The following BCCIP variants were observed in gnomAD, a reference collection of about 807,000 sequenced individuals.
The protein encoded by BCCIP is BRCA2 and CDKN1A-interacting protein.
A neutral mutation model predicts 32.8 loss-of-function variants in BCCIP; 23 were observed. The observed-to-expected ratio is 0.70, with a 90% CI of 0.51 to 0.99. The LOEUF (loss-of-function observed/expected upper bound fraction) is 0.99, where lower values mean the gene tolerates loss of function less well. Among genes scored for constraint, BCCIP ranks in the 50% least tolerant of loss-of-function variants. BCCIP has a pLI of 0.00. For missense variants in BCCIP, 378 were observed against 379.8 expected, an observed-to-expected ratio of 1.00 and a Z score of 0.04; for synonymous variants, 144 against 137.6, an observed-to-expected ratio of 1.05 and a Z score of -0.33.
downstream of BCCIP, chr10:125,836,946 G>A (rs954564580): frequency 2.8e-6 from 3 of 1,083,282 alleles, no homozygotes; most frequent in Admixed American, 6.3e-5. Context: ...CATCCCTGGA[G>A]AATCTACCTG....
At chr10:125,849,411 T>A (rs1273233668) in intron 7 of BCCIP, among the ~76,000 whole-genome samples, 2 of 152,216 alleles carry the variant, frequency 1.3e-5, no homozygotes, top group Non-Finnish European at 2.9e-5. Context: ...TTATTTACTT[T>A]ATTGTTTCCA....
At chr10:125,824,738 CAGAG>C (rs1326221293) in intron 1 of BCCIP, among the ~76,000 whole-genome samples, 1 of 94,352 alleles carries the variant, frequency 1.1e-5, no homozygotes, top group African/African-American at 3.8e-5. Context: ...CACTTACAGT[CAGAG>C]AGATCTTATA....
chr10:125,847,501 A>G (rs1030707117), downstream of BCCIP, among the ~76,000 whole-genome samples: 24 of 152,330 alleles, frequency 1.6e-4, no homozygotes, highest in Non-Finnish European at 3.4e-4. Flanking sequence ...ATACTCACAT[A>G]GTACCTACTG....
chr10:125,834,988 C>G (rs1474142183), intron 6 of BCCIP, among the ~76,000 whole-genome samples: 1 of 151,526 alleles, frequency 6.6e-6, no homozygotes, highest in Non-Finnish European at 1.5e-5. Flanking sequence ...AAAAAATTAG[C>G]CGGGCGTGGT....
rs765487754 is a variant in BCCIP, at chr10:125,823,554, C to T, written c.-4C>T. The T allele has an allele frequency of 6.2e-7, 1 of 1,613,314 alleles. No individual in the cohort carries two copies. The highest frequency in any genetic ancestry group is 1.1e-5 in the South Asian group (1 of 91,028). ...AGCTGCGCAGGCGCAGTGTGAGCGG[C>T]AACATGGCGTCCAGGTCTAAGCGGC... On this transcript the variant is annotated 5_prime_UTR_variant, in exon 1 of 7. Coordinates refer to ENST00000278100, the MANE Select transcript of BCCIP (RefSeq NM_078468.3).
chr10:125,850,134 TAAAA>T (rs371549545), intron 7 of BCCIP, among the ~76,000 whole-genome samples: 2 of 133,528 alleles, frequency 1.5e-5, no homozygotes, highest in African/African-American at 2.8e-5. Flanking sequence ...CCTGGCTCAT[TAAAA>T]AAAAAAAAAA....
At position 125,833,754 on chromosome 10, in the gene BCCIP, T is replaced by C; in HGVS notation, c.600-18T>C. 1 of 1,611,950 alleles carries C rather than the reference T, an allele frequency of 6.2e-7. No individual in the cohort carries two copies. The highest frequency in any genetic ancestry group is 1.1e-5 in the South Asian group (1 of 90,466). On this transcript the variant is annotated intron_variant, in intron 5 of 6. Coordinates refer to ENST00000278100, the MANE Select transcript of BCCIP (RefSeq NM_078468.3). ...CTTGACCCAGCAGGTAAACAAATGT[T>C]GTGTGTGTGCCTTGCAGGAAAGAAC...
chr10:125,839,092 C>T (rs371509912), downstream of BCCIP: 46 of 1,614,056 alleles, frequency 2.8e-5, no homozygotes, highest in African/African-American at 4.0e-5. Context: ...AAGCTCGATT[C>T]GCTTGATAAT....
intron 7 of BCCIP, among the ~76,000 whole-genome samples, chr10:125,849,252 C>T (rs1300101206): frequency 6.6e-6 from 1 of 152,218 alleles, no homozygotes; most frequent in Non-Finnish European, 1.5e-5. Flanking sequence ...TTTCCGCCTG[C>T]ACTGTTGCAC....
At chr10:125,833,293 T>C (rs1564819146) in intron 5 of BCCIP, among the ~76,000 whole-genome samples, 2 of 152,234 alleles carry the variant, frequency 1.3e-5, no homozygotes, top group South Asian at 4.1e-4. Context: ...GTTGTGTGTT[T>C]ATGCAGTTTC....
downstream of BCCIP, chr10:125,836,870 C>CA (rs1253740746): frequency 1.2e-6 from 2 of 1,611,314 alleles, no homozygotes; most frequent in African/African-American, 1.3e-5. Context: ...TTATTTAAGA[C>CA]AAAAAGATGA....
Position 125,833,758 on chromosome 10 carries a change from T to C in BCCIP, c.600-14T>C, listed in dbSNP as rs777924781. The C allele has an allele frequency of 6.2e-7, 1 of 1,613,314 alleles. No homozygotes were observed. The highest frequency in any genetic ancestry group is 2.2e-5 in the East Asian group (1 of 44,890). On this transcript the variant is annotated splice_polypyrimidine_tract_variant and intron_variant, in intron 5 of 6. Transcript: ENST00000278100. ...ACCCAGCAGGTAAACAAATGTTGTG[T>C]GTGTGCCTTGCAGGAAAGAACTGGC... is the stretch of plus-strand genomic sequence containing the variant.
chr10:125,852,328 G>T (rs143704757), intron 7 of BCCIP: 27 of 1,614,014 alleles, frequency 1.7e-5, no homozygotes, highest in Non-Finnish European at 2.3e-5. Context: ...GCCTAGGCCC[G>T]CAATGTCTAT....
rs1854689144 is a variant in BCCIP, at chr10:125,836,484, A to G, written c.*210A>G. 1.4e-6 allele frequency: 2 copies of G among 1,387,248 alleles called. No homozygotes were observed. The allele number at this position is 1,387,248 out of a possible 1,614,324, so 85.9% of individuals were successfully genotyped here. ...TGGTTGATTTAAAAACTTTTCCAAG[A>G]AGAAGAAAAGCATGGAGTAGTAATT... On this transcript the variant is annotated 3_prime_UTR_variant, in exon 7 of 7. Transcript: ENST00000278100.
downstream of BCCIP, among the ~76,000 whole-genome samples, chr10:125,846,494 A>G (rs1944022246): frequency 2.0e-5 from 3 of 152,172 alleles, no homozygotes; most frequent in Admixed American, 6.5e-5. Flanking sequence ...TGTTTTGAGT[A>G]TCTTGTGCTA....
chr10:125,830,334 G>C (rs1010525434), intron 3 of BCCIP, among the ~76,000 whole-genome samples: 3 of 152,202 alleles, frequency 2.0e-5, no homozygotes, highest in Non-Finnish European at 4.4e-5. Flanking sequence ...TCGAGGTAAA[G>C]CGAAATGAAC....
chr10:125,833,304 T>G (rs1357792090), intron 5 of BCCIP, among the ~76,000 whole-genome samples: 1 of 152,230 alleles, frequency 6.6e-6, no homozygotes, highest in African/African-American at 2.4e-5. Flanking sequence ...ATGCAGTTTC[T>G]GCAGTATGTC....
At chr10:125,836,600 G>A (rs560318203), downstream of BCCIP, 730 of 1,489,766 alleles carry the variant, frequency 4.9e-4, 12 homozygotes, top group South Asian at 9.2e-3. Context: ...TGTGAAATCC[G>A]TCTTCGCGTC....
At chr10:125,832,247 C>G (rs368676268) in intron 5 of BCCIP, among the ~76,000 whole-genome samples, 1 of 151,322 alleles carries the variant, frequency 6.6e-6, no homozygotes, top group Non-Finnish European at 1.5e-5. Flanking sequence ...GCTACATTGC[C>G]CAGGCTGGTC....
Sources: allele counts gnomAD v4.1 joint callset (sites outside exome capture counted in the v4.1 genomes callset), GRCh38; gene constraint gnomAD v4.1.1; transcripts MANE v1.5; gene names NCBI Gene and HGNC (gene_info 2026-07-23, HGNC 2026-07-21).